Variants in ACBD6 observed in about 807,000 individuals in gnomAD.
ACBD6 encodes acyl-CoA-binding domain-containing protein 6.
In ACBD6, 28 loss-of-function variants were observed where a neutral mutation model predicts 37.2. The observed-to-expected ratio is 0.75, with a 90% CI of 0.56 to 1.03. ACBD6 has a LOEUF of 1.03. ACBD6 is among the 50% of genes least tolerant of loss of function. The pLI is 0.00. For missense variants in ACBD6, 340 were observed against 337.4 expected (o/e 1.01, Z -0.06); for synonymous variants, 113 against 126.8 (o/e 0.89, Z 0.73).
chr1:180,413,288 G>T, intron 5 of ACBD6, 78 bp downstream of exon 5: 1 of 1,042,998 alleles, frequency 9.6e-7, no homozygotes, highest in Non-Finnish European at 1.5e-6. Flanking sequence ...GTAGTTCATT[G>T]GCCTACCATT....
chr1:180,460,599 C>T (rs1399632947), intron 3 of ACBD6, among the ~76,000 whole-genome samples: 1 of 152,220 alleles, frequency 6.6e-6, no homozygotes, highest in Non-Finnish European at 1.5e-5. Flanking sequence ...TGCTGTTTCA[C>T]AGCCTTCGCT....
At chr1:180,389,910 T>A (rs1654004666) in intron 6 of ACBD6, among the ~76,000 whole-genome samples, 1 of 152,166 alleles carries the variant, frequency 6.6e-6, no homozygotes, top group Non-Finnish European at 1.5e-5. Context: ...TAGCCCTTTG[T>A]CAGATGAGTA....
intron 3 of ACBD6, among the ~76,000 whole-genome samples, chr1:180,460,441 AAGC>A (rs1450870020): frequency 2.0e-5 from 3 of 152,112 alleles, no homozygotes; most frequent in Non-Finnish European, 2.9e-5. Flanking sequence ...CTGCTTCTTT[AAGC>A]AGGTCCCTGA....
chr1:180,372,602 G>A (rs537467537), intron 6 of ACBD6, among the ~76,000 whole-genome samples: 6 of 152,160 alleles, frequency 3.9e-5, no homozygotes, highest in Admixed American at 2.6e-4. Flanking sequence ...ATTAATCAAC[G>A]TCGCAAATCC....
intron 6 of ACBD6, among the ~76,000 whole-genome samples, chr1:180,344,204 T>C (rs1652088500): frequency 6.6e-6 from 1 of 151,862 alleles, no homozygotes; most frequent in Non-Finnish European, 1.5e-5. Flanking sequence ...AGCCTAATGG[T>C]AATTAGAAGG....
intron 5 of ACBD6, among the ~76,000 whole-genome samples, chr1:180,399,856 G>C (rs1647272460): frequency 1.3e-5 from 2 of 151,304 alleles, no homozygotes; most frequent in African/African-American, 4.9e-5. Context: ...AGTTCTAATT[G>C]TAAGTGTGCA....
At chr1:180,339,303 T>A (rs1201583599) in intron 6 of ACBD6, among the ~76,000 whole-genome samples, 1 of 152,152 alleles carries the variant, frequency 6.6e-6, no homozygotes. Context: ...AGTGACAGAC[T>A]GGATTAAGAA....
intron 3 of ACBD6, among the ~76,000 whole-genome samples, chr1:180,470,693 C>G (rs1259795389): frequency 6.6e-6 from 1 of 152,168 alleles, no homozygotes; most frequent in Non-Finnish European, 1.5e-5. Context: ...ACAGAAAAAT[C>G]TTTGCTAAAC....
chr1:180,432,947 CCAGA>C (rs1344590124), intron 3 of ACBD6, among the ~76,000 whole-genome samples: 2 of 151,018 alleles, frequency 1.3e-5, no homozygotes, highest in Admixed American at 1.3e-4. Context: ...AAGCCCAGAA[CCAGA>C]TCACTTCACT....
At chr1:180,292,383 T>C (rs559792250) in intron 7 of ACBD6, among the ~76,000 whole-genome samples, 121 of 152,172 alleles carry the variant, frequency 8.0e-4, no homozygotes, top group Non-Finnish European at 1.5e-3. Context: ...CTTACTCTTA[T>C]TTTGTTTGAT....
At chr1:180,271,890 G>A (rs569913726) in exon 14 of ACBD6, 15 of 1,613,658 alleles carry the variant, frequency 9.3e-6, no homozygotes, top group East Asian at 4.5e-5. Context: ...GATGCAGGGC[G>A]GCACCGCTGG....
intron 6 of ACBD6, among the ~76,000 whole-genome samples, chr1:180,344,487 T>C (rs1652098969): frequency 6.6e-6 from 1 of 152,144 alleles, no homozygotes; most frequent in Non-Finnish European, 1.5e-5. Context: ...GAAAAACAGT[T>C]AAAAAATAAA....
intron 3 of ACBD6, among the ~76,000 whole-genome samples, chr1:180,444,957 G>A (rs1472643322): frequency 2.0e-5 from 3 of 152,128 alleles, no homozygotes; most frequent in South Asian, 2.1e-4. Context: ...TATGCAAAGA[G>A]GTTTCTTGCT....
chr1:180,296,917 G>C (rs2149281445), intron 7 of ACBD6, among the ~76,000 whole-genome samples: 1 of 152,112 alleles, frequency 6.6e-6, no homozygotes, highest in South Asian at 2.1e-4. Context: ...ACAAGGTCAG[G>C]AGATCGAAAC....
At chr1:180,307,869 C>T (rs1339192972) in intron 7 of ACBD6, among the ~76,000 whole-genome samples, 3 of 152,138 alleles carry the variant, frequency 2.0e-5, no homozygotes, top group Admixed American at 6.5e-5. Context: ...GCAGGAGACT[C>T]GCTTGAACCT....
intron 3 of ACBD6, among the ~76,000 whole-genome samples, chr1:180,460,074 G>A (rs1207236016): frequency 4.0e-5 from 6 of 148,862 alleles, no homozygotes; most frequent in Non-Finnish European, 7.4e-5. Flanking sequence ...TTGGTGTGCT[G>A]CACCCATTAA....
At position 180,471,179 on chromosome 1, in the gene ACBD6, C is replaced by G. The variant is rs145006258; in HGVS notation, c.384+21090G>C. ...CTTTGGGAGGCTGAGGTGGGCAGAT[C>G]TCTTAAGCCCAGGAGTTCAAGACCA... On this transcript the variant is annotated intron_variant, in intron 3 of 7. Transcript: ENST00000367595. Among the ~76,000 whole-genome samples the G allele has an allele frequency of 3.0e-3, 455 of 152,170 alleles. 1 individual carries two copies. Among genetic ancestry groups the G allele is most frequent in the African/African-American group, 0.01 (430 of 41,526 alleles).
chr1:180,317,891 C>T (rs1650876604), intron 6 of ACBD6, among the ~76,000 whole-genome samples: 1 of 152,136 alleles, frequency 6.6e-6, no homozygotes, highest in African/African-American at 2.4e-5. Context: ...GAATACTTAT[C>T]TGGGGCCTGG....
At chr1:180,420,605 G>C (rs149313562) in intron 4 of ACBD6, among the ~76,000 whole-genome samples, 16 of 152,254 alleles carry the variant, frequency 1.1e-4, no homozygotes, top group Non-Finnish European at 2.2e-4. Flanking sequence ...ATGAATTTCT[G>C]AGTGGCTGGA....
Sources: allele counts gnomAD v4.1 joint callset (sites outside exome capture counted in the v4.1 genomes callset), GRCh38; gene constraint gnomAD v4.1.1; transcripts MANE v1.5; gene names NCBI Gene and HGNC (gene_info 2026-07-23, HGNC 2026-07-21).